The following SEMA6A variants were observed in gnomAD, a reference collection of about 807,000 sequenced individuals.
The protein encoded by SEMA6A is semaphorin 6A, also known as semaphorin-6A.
Under a neutral mutation model 96.8 loss-of-function variants are expected in SEMA6A, and 25 were observed. The observed-to-expected ratio is 0.26, with a 90% CI of 0.19 to 0.36. SEMA6A has a LOEUF of 0.36. Ranked by LOEUF, SEMA6A falls within the 10% of genes least tolerant of loss-of-function variation. SEMA6A has a pLI of 1.00. For synonymous variants in SEMA6A, 612 were observed against 518.0 expected (o/e 1.18, Z -2.46); for missense variants, 1,363 against 1,323.1 (o/e 1.03, Z -0.47).
intron 17 of SEMA6A, chr5:116,472,751 A>G (rs1353223918): frequency 1.6e-6 from 1 of 631,830 alleles, no homozygotes; most frequent in South Asian, 2.6e-5. Context: ...TGAAATTAAT[A>G]AATAATTTTA....
chr5:116,459,868 G>A (rs1288825271), intron 18 of SEMA6A, among the ~76,000 whole-genome samples: 1 of 152,090 alleles, frequency 6.6e-6, no homozygotes, highest in Non-Finnish European at 1.5e-5. Context: ...AGTATCTTCT[G>A]TAACACTCAG....
At chr5:116,477,966 T>C in intron 14 of SEMA6A, 40 bp from the exon 15 acceptor site, 1 of 1,613,900 alleles carries the variant, frequency 6.2e-7, no homozygotes, top group Non-Finnish European at 8.5e-7. Flanking sequence ...TAGGACTGTT[T>C]CCTAGCCACC....
intron 1 of SEMA6A, among the ~76,000 whole-genome samples, chr5:116,543,306 C>T (rs374663587): frequency 4.8e-4 from 73 of 152,328 alleles, no homozygotes; most frequent in African/African-American, 1.7e-3. Context: ...AGCAAAGCAA[C>T]CCAGTTCAGA....
intron 18 of SEMA6A, among the ~76,000 whole-genome samples, chr5:116,462,558 TTAC>T (rs1755478532): frequency 1.3e-5 from 2 of 152,196 alleles, no homozygotes; most frequent in African/African-American, 4.8e-5. Context: ...TAAATCCATG[TTAC>T]TTTAAATTTC....
rs777121872 is a variant in SEMA6A at position 116,488,092 on chromosome 5, C to G, written c.744+16G>C. The G allele has an allele frequency of 1.1e-5, 17 of 1,528,484 alleles. No homozygotes were observed. The highest frequency in any genetic ancestry group is 3.4e-4 in the Middle Eastern group (2 of 5,912). 94.7% of individuals were successfully genotyped at this position (1,528,484 alleles called of 1,614,324 possible). On this transcript the variant is annotated intron_variant, in intron 9 of 18. Transcript: ENST00000343348. ...AAAATGTTACAAACTGAGCCAAGGA[C>G]AGCATCCCCTCTTACCTTTCCCATG...
At position 116,446,657 on chromosome 5, in the gene SEMA6A, C is replaced by CA; in HGVS notation, c.3048dup (p.Ala1017CysfsTer11). The CA allele has an allele frequency of 6.5e-7, 1 of 1,536,258 alleles. No individual in the cohort carries two copies. The highest frequency in any genetic ancestry group is 8.8e-7 in the Non-Finnish European group (1 of 1,140,490). On this transcript the variant is annotated frameshift_variant, in exon 19 of 19. Transcript: ENST00000343348. LOFTEE classifies it high-confidence loss of function. ...GGCTTCATGGATGTGGAAAGGGGAGCAAAGGATGGTTTGGGGGGTACGTCC... is the reference window on the plus strand; with the variant it reads ...GGCTTCATGGATGTGGAAAGGGGAGCAAAAGGATGGTTTGGGGGGTACGTCC...
chr5:116,505,320 T>A (rs1158034931), intron 1 of SEMA6A, among the ~76,000 whole-genome samples: 1 of 152,140 alleles, frequency 6.6e-6, no homozygotes, highest in Non-Finnish European at 1.5e-5. Flanking sequence ...ACTGCCAATA[T>A]TGAAAAATAG....
chr5:116,528,150 T>C (rs947224662), intron 1 of SEMA6A, among the ~76,000 whole-genome samples: 2 of 152,224 alleles, frequency 1.3e-5, no homozygotes, highest in African/African-American at 2.4e-5. Context: ...TTCCTTTTCC[T>C]TTCTTCGCTT....
rs764108381 is a variant in SEMA6A, at chr5:116,482,585, G to C, written c.963-10C>G. ...TGCAGACCCAGGGATGCTACAACAT[G>C]ATATTTCACATCAAGTGTTACTCAT... is the stretch of plus-strand genomic sequence containing the variant. On this transcript the variant is annotated splice_polypyrimidine_tract_variant and intron_variant, in intron 10 of 18. Coordinates refer to ENST00000343348, the MANE Select transcript of SEMA6A (RefSeq NM_020796.5). 6.8e-6 allele frequency: 11 copies of C among 1,612,938 alleles called. No homozygotes were observed. In the Admixed American group the frequency reaches 1.8e-4, roughly 27 times the overall value.
intron 3 of SEMA6A, among the ~76,000 whole-genome samples, chr5:116,499,445 G>T (rs1757766445): frequency 6.6e-6 from 1 of 151,974 alleles, no homozygotes; most frequent in African/African-American, 2.4e-5. Context: ...TGCGGGGAGG[G>T]ATTTAGCTTT....
intron 18 of SEMA6A, among the ~76,000 whole-genome samples, chr5:116,450,074 C>G (rs1006353680): frequency 1.4e-4 from 22 of 152,188 alleles, no homozygotes; most frequent in African/African-American, 5.1e-4. Context: ...GCTAAAATAG[C>G]TACTGATTTT....
chr5:116,495,939 G>A (rs770740677), intron 5 of SEMA6A: 6 of 354,236 alleles, frequency 1.7e-5, no homozygotes, highest in Admixed American at 1.4e-4. Flanking sequence ...GACTCCCTGT[G>A]GGCCTTGGAC....
chr5:116,556,893 A>G (rs1760630456), intron 1 of SEMA6A, among the ~76,000 whole-genome samples: 1 of 152,224 alleles, frequency 6.6e-6, no homozygotes, highest in Non-Finnish European at 1.5e-5. Context: ...ATCCACTGAG[A>G]ATGCCATCAT....
chr5:116,490,557 A>G (rs1261182136), intron 7 of SEMA6A, among the ~76,000 whole-genome samples: 1 of 152,182 alleles, frequency 6.6e-6, no homozygotes, highest in Non-Finnish European at 1.5e-5. Context: ...CCTTACAAAT[A>G]GGTCTACAAG....
intron 18 of SEMA6A, among the ~76,000 whole-genome samples, chr5:116,459,021 C>T (rs919501566): frequency 6.6e-6 from 1 of 152,138 alleles, no homozygotes; most frequent in Non-Finnish European, 1.5e-5. Context: ...ATATAGATTC[C>T]TTTTCTCGTA....
At chr5:116,543,662 C>A (rs17526775) in intron 1 of SEMA6A, among the ~76,000 whole-genome samples, 1 of 152,152 alleles carries the variant, frequency 6.6e-6, no homozygotes, top group Non-Finnish European at 1.5e-5. Flanking sequence ...GTTGCATGAC[C>A]CTTCAGGGCT....
chr5:116,562,808 A>AGGT (rs1760872923), intron 1 of SEMA6A: 24 of 720,864 alleles, frequency 3.3e-5, no homozygotes, highest in South Asian at 3.1e-4. Context: ...TATGGCTCAG[A>AGGT]GGTGCAAGGA....
chr5:116,452,321 C>G (rs1157226628), intron 18 of SEMA6A, among the ~76,000 whole-genome samples: 1 of 152,188 alleles, frequency 6.6e-6, no homozygotes, highest in African/African-American at 2.4e-5. Context: ...GTTAGTCTTT[C>G]CACCTTCCTA....
chr5:116,448,000 G>C (rs1022018492), intron 18 of SEMA6A, among the ~76,000 whole-genome samples, 189 bp from the exon 19 acceptor site: 2 of 152,044 alleles, frequency 1.3e-5, no homozygotes, highest in African/African-American at 2.4e-5. Context: ...TGTGCAGTAT[G>C]TAAATGGACT....
Sources: gnomAD v4.1 joint callset for allele counts (sites outside exome capture counted in the v4.1 genomes callset) on GRCh38, gnomAD v4.1.1 for gene constraint, MANE v1.5 for transcripts, NCBI Gene and HGNC (gene_info 2026-07-23, HGNC 2026-07-21) for gene names.